Variants in ROR2 observed in about 807,000 individuals in gnomAD.
The protein encoded by ROR2 is ROR family WNT receptor 2, also known as tyrosine-protein kinase transmembrane receptor ROR2.
Under a neutral mutation model 74.9 loss-of-function variants are expected in ROR2, and 33 were observed. That is an observed-to-expected ratio of 0.44 (90% CI 0.33 to 0.59). ROR2 has a LOEUF of 0.59. Among genes scored for constraint, ROR2 ranks in the 20% least tolerant of loss-of-function variants. The pLI is 0.02. For missense variants in ROR2, 1,216 were observed against 1,313.8 expected, an observed-to-expected ratio of 0.93 and a Z score of 1.15; for synonymous variants, 586 against 558.7, an observed-to-expected ratio of 1.05 and a Z score of -0.69.
chr9:91,739,560 T>TTTTAAAACC (rs1825149117), intron 4 of ROR2, among the ~76,000 whole-genome samples: 1 of 148,430 alleles, frequency 6.7e-6, no homozygotes, highest in South Asian at 2.2e-4. Context: ...TTTAACCACA[T>TTTTAAAACC]GGATTTAAAA....
intron 1 of ROR2, among the ~76,000 whole-genome samples, chr9:91,795,108 A>T (rs1261152265): frequency 6.6e-6 from 1 of 151,854 alleles, no homozygotes; most frequent in East Asian, 1.9e-4. Context: ...ACATAGCAAG[A>T]CTCCATCTCA....
chr9:91,836,400 C>T (rs1457924751), intron 1 of ROR2, among the ~76,000 whole-genome samples: 2 of 152,048 alleles, frequency 1.3e-5, no homozygotes, highest in Admixed American at 6.5e-5. Context: ...ATTAGCCAGT[C>T]GTAGTGGTGC....
rs1587684098 is a variant in ROR2, at chr9:91,749,949, T to C, written c.494+6122A>G. The stretch of plus-strand genomic sequence containing the variant: ...CTAAGTATTGTTCTGTCGCCCAGGC[T>C]GGAGTGAAGTGGCGTGATCTTGGCT... On this transcript the variant is annotated intron_variant, in intron 4 of 8. Transcript: ENST00000375708. Among the ~76,000 whole-genome samples, 3 of 152,368 alleles carry C rather than the reference T, an allele frequency of 2.0e-5. No homozygotes were observed. In the South Asian group the frequency reaches 6.2e-4, roughly 32 times the overall value.
At chr9:91,870,328 T>C (rs185810363) in intron 1 of ROR2, among the ~76,000 whole-genome samples, 97 of 152,296 alleles carry the variant, frequency 6.4e-4, no homozygotes, top group Non-Finnish European at 1.1e-3. Flanking sequence ...GCCTGTATTT[T>C]AGAACCAAGG....
chr9:91,915,388 CCT>C (rs1407774670), intron 1 of ROR2, among the ~76,000 whole-genome samples: 5 of 152,130 alleles, frequency 3.3e-5, no homozygotes, highest in African/African-American at 1.2e-4. Flanking sequence ...TCACAGTCTC[CCT>C]GACTTCAAGA....
At chr9:91,741,784 CA>C (rs940877011) in intron 4 of ROR2, among the ~76,000 whole-genome samples, 1 of 152,154 alleles carries the variant, frequency 6.6e-6, no homozygotes, top group Non-Finnish European at 1.5e-5. Context: ...GCCACATTCA[CA>C]AAGCAAAAAC....
intron 1 of ROR2, among the ~76,000 whole-genome samples, chr9:91,799,326 C>G (rs888788794): frequency 1.3e-5 from 2 of 152,200 alleles, no homozygotes; most frequent in African/African-American, 2.4e-5. Flanking sequence ...CTCACTCCCC[C>G]CAACACACAG....
chr9:91,759,500 G>A (rs1217948958), intron 2 of ROR2, among the ~76,000 whole-genome samples: 1 of 152,136 alleles, frequency 6.6e-6, no homozygotes, highest in African/African-American at 2.4e-5. Context: ...GTAAAGTTCT[G>A]TATGTATGAT....
chr9:91,941,883 C>T (rs540043478), intron 1 of ROR2, among the ~76,000 whole-genome samples: 9 of 152,154 alleles, frequency 5.9e-5, no homozygotes, highest in South Asian at 2.1e-4. Flanking sequence ...CTCCACCTCC[C>T]GGGTTCAAGT....
chr9:91,755,127 T>C (rs768656594), intron 4 of ROR2, among the ~76,000 whole-genome samples: 1 of 151,844 alleles, frequency 6.6e-6, no homozygotes, highest in Non-Finnish European at 1.5e-5. Flanking sequence ...TGCACTCCAG[T>C]CTGGGTGAAA....
chr9:91,949,818 G>A (rs1181195977), intron 1 of ROR2, 49 bp downstream of exon 1: 5 of 1,211,082 alleles, frequency 4.1e-6, no homozygotes, highest in Non-Finnish European at 4.7e-6. Flanking sequence ...GGCTGGCCAA[G>A]CGAGCCGTGA....
At chr9:91,887,584 GTTATGAACATTCCCC>G (rs1297186189) in intron 1 of ROR2, among the ~76,000 whole-genome samples, 1 of 152,124 alleles carries the variant, frequency 6.6e-6, no homozygotes, top group Non-Finnish European at 1.5e-5. Flanking sequence ...TTCCAAAGCT[GTTATGAACATTCCCC>G]TTATGGTTTC....
At position 91,905,232 on chromosome 9, in the gene ROR2, AAAC is replaced by A. The variant is rs1253677576; in HGVS notation, c.97+44632_97+44634del. Among the ~76,000 whole-genome samples, 1 of 151,720 alleles carries A rather than the reference AAAC, an allele frequency of 6.6e-6. No homozygotes were observed. The highest frequency in any genetic ancestry group is 1.9e-4 in the East Asian group (1 of 5,168). ...ATATACACCAAACACCACTCAACAC[AAAC>A]ACCACATACAACACATACACAAACA... On this transcript the variant is annotated intron_variant, in intron 1 of 8. Coordinates refer to ENST00000375708, the MANE Select transcript of ROR2 (RefSeq NM_004560.4). This position sits in a 1 kb window ranked among gnomAD's most constrained non-coding sequence, Gnocchi z 5.3.
chr9:91,799,279 C>T (rs1827297011), intron 1 of ROR2, among the ~76,000 whole-genome samples: 2 of 152,154 alleles, frequency 1.3e-5, no homozygotes, highest in South Asian at 4.1e-4. Context: ...TTGGGAGGTG[C>T]CCCTTGGCCT....
intron 1 of ROR2, among the ~76,000 whole-genome samples, chr9:91,919,987 C>T (rs1182306343): frequency 3.3e-5 from 5 of 152,198 alleles, no homozygotes; most frequent in African/African-American, 1.2e-4. Flanking sequence ...ACACCTGCCC[C>T]ACCAGGCTCC....
At chr9:91,913,610 G>C (rs1291345252) in intron 1 of ROR2, among the ~76,000 whole-genome samples, 1 of 152,128 alleles carries the variant, frequency 6.6e-6, no homozygotes, top group Non-Finnish European at 1.5e-5. Flanking sequence ...ACCCATAGTT[G>C]GCATGGGAAG....
chr9:91,826,905 G>A (rs753053150), intron 1 of ROR2, among the ~76,000 whole-genome samples: 1 of 152,180 alleles, frequency 6.6e-6, no homozygotes, highest in African/African-American at 2.4e-5. Flanking sequence ...ACTTTGCTCT[G>A]ATTATTAAAA....
At position 91,938,356 on chromosome 9, in the gene ROR2, G is replaced by T. The variant is rs143090657; in HGVS notation, c.97+11511C>A. ...GCTAATCCCAGCTACTCGGGAGGCT[G>T]AGGCAGAAGAATCAGCTTGAACCTA... On this transcript the variant is annotated intron_variant, in intron 1 of 8. Coordinates refer to ENST00000375708, the MANE Select transcript of ROR2 (RefSeq NM_004560.4). 3.3e-5 allele frequency among the ~76,000 whole-genome samples: 5 copies of T among 152,294 alleles called. No homozygotes were observed. In the East Asian group the frequency reaches 9.7e-4, roughly 29 times the overall value.
chr9:91,832,960 T>C (rs556483997), intron 1 of ROR2, among the ~76,000 whole-genome samples: 1 of 152,286 alleles, frequency 6.6e-6, no homozygotes, highest in East Asian at 1.9e-4. Flanking sequence ...ACCTGAGCCC[T>C]GCCCAGGTCA....
Sources: gnomAD v4.1 joint callset for allele counts (sites outside exome capture counted in the v4.1 genomes callset) on GRCh38, gnomAD v4.1.1 for gene constraint, Gnocchi (gnomAD v3.1) non-coding constraint, MANE v1.5 for transcripts, NCBI Gene and HGNC (gene_info 2026-07-23, HGNC 2026-07-21) for gene names.